Variants in EPHA5 observed in about 807,000 individuals in gnomAD.
The protein encoded by EPHA5 is ephrin type-A receptor 5.
In EPHA5, 60 loss-of-function variants were observed where a neutral mutation model predicts 105.0. The observed-to-expected ratio is 0.57, with a 90% CI of 0.46 to 0.71. The LOEUF is 0.71. Among genes scored for constraint, EPHA5 ranks in the 30% least tolerant of loss-of-function variants. The pLI is 0.00. For missense variants in EPHA5, 1,218 were observed against 1,274.7 expected, an observed-to-expected ratio of 0.96 and a Z score of 0.68; for synonymous variants, 513 against 449.1, an observed-to-expected ratio of 1.14 and a Z score of -1.80.
chr4:65,340,295 T>G (rs1448907896), intron 14 of EPHA5, among the ~76,000 whole-genome samples: 1 of 152,098 alleles, frequency 6.6e-6, no homozygotes, highest in Admixed American at 6.6e-5. Flanking sequence ...ATATATATAG[T>G]CAGAGACTTC....
intron 5 of EPHA5, among the ~76,000 whole-genome samples, chr4:65,432,949 C>T (rs1469520390): frequency 7.2e-5 from 11 of 151,858 alleles, no homozygotes; most frequent in Non-Finnish European, 1.3e-4. Flanking sequence ...GATTTAAACA[C>T]ATATATGATT....
chr4:65,620,392 A>G (rs1745612201), intron 2 of EPHA5, among the ~76,000 whole-genome samples: 1 of 152,080 alleles, frequency 6.6e-6, no homozygotes, highest in African/African-American at 2.4e-5. Context: ...CCAGATTCCT[A>G]TAAAAAATGT....
intron 14 of EPHA5, among the ~76,000 whole-genome samples, chr4:65,337,559 G>A (rs987547295): frequency 1.4e-4 from 21 of 152,092 alleles, no homozygotes; most frequent in African/African-American, 5.1e-4. Flanking sequence ...TTTTAAAGTA[G>A]TTAAAACCAA....
At chr4:65,582,158 A>C (rs1171234236) in intron 3 of EPHA5, among the ~76,000 whole-genome samples, 1 of 151,742 alleles carries the variant, frequency 6.6e-6, no homozygotes, top group Non-Finnish European at 1.5e-5. Context: ...GAAGGAAAAA[A>C]TAATTTAATA....
intron 5 of EPHA5, among the ~76,000 whole-genome samples, chr4:65,463,704 G>A (rs1278520168): frequency 6.6e-6 from 1 of 152,028 alleles, no homozygotes; most frequent in Admixed American, 6.6e-5. Context: ...TGTCTACAAG[G>A]TGAGTCATAC....
In EPHA5 at chr4:65,670,043, C is replaced by T. The variant is rs1321565307; in HGVS notation, c.-301G>A. On this transcript the variant is annotated 5_prime_UTR_variant, in exon 1 of 17. Coordinates refer to ENST00000613740, the MANE Select transcript of EPHA5 (RefSeq NM_001281766.3). ...AGGGTCCTGGGTCCTGTTCCTTTGC[C>T]TTTCAAAAAGACTTTTTACGGATTG... 5.3e-6 allele frequency: 2 copies of T among 375,910 alleles called. No individual in the cohort carries two copies. Among genetic ancestry groups the T allele is most frequent in the Non-Finnish European group, 9.3e-6 (2 of 214,274 alleles). The allele number at this position is 375,910 out of a possible 1,614,324, so 23.3% of individuals were successfully genotyped here. A position where few individuals can be genotyped will look rare whatever the true frequency, so the allele number is the denominator to read the frequency against.
intron 6 of EPHA5, among the ~76,000 whole-genome samples, chr4:65,416,516 G>T (rs1399667924): frequency 3.9e-5 from 2 of 51,600 alleles, no homozygotes; most frequent in East Asian, 6.6e-4. Context: ...ATTTTTAAAA[G>T]CTTCCACAGT....
In EPHA5 at chr4:65,573,819, G is replaced by A. The variant is rs1740499419; in HGVS notation, c.910+27822C>T. 3.7e-6 allele frequency: 6 copies of A among 1,613,686 alleles called. No individual in the cohort carries two copies. The South Asian group carries it at 5.5e-5, about 15-fold the overall frequency. On this transcript the variant is annotated intron_variant, in intron 3 of 16. Transcript: ENST00000613740. ...GCCTAGATATTATCCTACTGAAGAT[G>A]TGCCTCGAAAGCTGTTGAGCCACGG...
intron 5 of EPHA5, among the ~76,000 whole-genome samples, chr4:65,446,732 T>C (rs1726572528): frequency 6.6e-6 from 1 of 152,178 alleles, no homozygotes; most frequent in African/African-American, 2.4e-5. Context: ...TGTGTGTATG[T>C]GTTGTGGAGG....
chr4:65,331,348 T>A (rs1161780391), intron 16 of EPHA5: 4 of 1,037,868 alleles, frequency 3.9e-6, no homozygotes, highest in Non-Finnish European at 3.5e-6. Flanking sequence ...GTGATTTTTA[T>A]TTAATAAGGT....
chr4:65,362,541 T>G (rs1000655966), intron 11 of EPHA5, among the ~76,000 whole-genome samples: 9 of 151,722 alleles, frequency 5.9e-5, no homozygotes, highest in Admixed American at 2.0e-4. Context: ...CATGTATGTG[T>G]AGCCTCATGC....
intron 3 of EPHA5, among the ~76,000 whole-genome samples, chr4:65,586,869 T>C (rs758699114): frequency 6.6e-6 from 1 of 152,122 alleles, no homozygotes; most frequent in Non-Finnish European, 1.5e-5. Flanking sequence ...TGCATGGATA[T>C]GAATTTTATT....
Position 65,365,044 on chromosome 4 carries a change from T to C in EPHA5, c.2146A>G (p.Ile716Val). ...IMGQFDHPNI[I>V]HLEGVVTKSK... ...TTGGTCACCACACCTTCTAAATGGA[T>C]GATGTTAGGATGATCAAACTGTCCC... The change falls in exon 11 of 17, where the codon ATC becomes GTC. Residue 716 changes from isoleucine to valine, a missense_variant. Transcript: ENST00000613740. The C allele has an allele frequency of 1.2e-6, 2 of 1,611,034 alleles. No homozygotes were observed. Among genetic ancestry groups the C allele is most frequent in the African/African-American group, 2.7e-5 (2 of 74,854 alleles).
chr4:65,364,273 G>A lies in EPHA5; in HGVS notation c.2173+744C>T, dbSNP rs190976439. ...TATGTGTGTGGTGTAAGGAATAAAG[G>A]AAGGAATCAGAACACATAGAAACAG... On this transcript the variant is annotated intron_variant, in intron 11 of 16. Transcript: ENST00000613740. Among the ~76,000 whole-genome samples the A allele has an allele frequency of 5.1e-4, 77 of 151,674 alleles. No homozygotes were observed. The South Asian group carries it at 0.012, about 24-fold the overall frequency.
chr4:65,645,664 C>A (rs1183260846), intron 1 of EPHA5, among the ~76,000 whole-genome samples: 5 of 150,680 alleles, frequency 3.3e-5, no homozygotes, highest in Admixed American at 3.3e-4. Context: ...AAACGAATTA[C>A]CTCAAAAAAC....
chr4:65,607,076 T>C (rs752774450), intron 2 of EPHA5, among the ~76,000 whole-genome samples: 1 of 152,202 alleles, frequency 6.6e-6, no homozygotes, highest in Non-Finnish European at 1.5e-5. Flanking sequence ...ATATCATTTA[T>C]TGTGATTTTC....
At chr4:65,579,368 A>G (rs1401663123) in intron 3 of EPHA5, among the ~76,000 whole-genome samples, 2 of 146,926 alleles carry the variant, frequency 1.4e-5, no homozygotes, top group Non-Finnish European at 3.0e-5. Flanking sequence ...GTATATATAT[A>G]TATATATAAA....
chr4:65,641,707 C>T (rs376418688), intron 2 of EPHA5, among the ~76,000 whole-genome samples: 360 of 152,132 alleles, frequency 2.4e-3, no homozygotes, highest in African/African-American at 8.3e-3. Flanking sequence ...TCTAAATTAA[C>T]TTCCCTGTCT....
At chr4:65,647,032 T>TA (rs1560817666) in intron 1 of EPHA5, among the ~76,000 whole-genome samples, 1 of 151,948 alleles carries the variant, frequency 6.6e-6, no homozygotes, top group South Asian at 2.1e-4. Flanking sequence ...GATAGCTATA[T>TA]AAAAAACAGA....
Sources: allele counts gnomAD v4.1 joint callset (sites outside exome capture counted in the v4.1 genomes callset), GRCh38; gene constraint gnomAD v4.1.1; transcripts MANE v1.5; gene names NCBI Gene and HGNC (gene_info 2026-07-23, HGNC 2026-07-21).